The following DMRT2 variants were observed in gnomAD, a reference collection of about 807,000 sequenced individuals.
The protein encoded by DMRT2 is doublesex- and mab-3-related transcription factor 2.
A neutral mutation model predicts 43.5 loss-of-function variants in DMRT2; 33 were observed. That is an observed-to-expected ratio of 0.76 (90% confidence interval 0.58 to 1.01). The LOEUF is 1.01. Ranked by LOEUF, DMRT2 falls within the 50% of genes least tolerant of loss-of-function variation. DMRT2 has a pLI of 0.00. For synonymous variants in DMRT2, 395 were observed against 309.2 expected, an observed-to-expected ratio of 1.28 and a Z score of -2.91; for missense variants, 1,064 against 748.0, an observed-to-expected ratio of 1.42 and a Z score of -4.93.
rs771880057 is a variant in DMRT2, at chr9:1,056,221, C to G, written c.634C>G (p.Arg212Gly). 3 of 1,604,006 alleles carry G rather than the reference C, an allele frequency of 1.9e-6. No homozygotes were observed. Among genetic ancestry groups the G allele is most frequent in the Admixed American group, 1.7e-5 (1 of 57,412 alleles). The part of the protein sequence containing the change: ...LLAKSILEGY[R>G]PIPAETYVGG... ...GCAATCTTTGCTTCTTGTAGGCTAT[C>G]GCCCCATTCCAGCGGAGACTTATGT... is the stretch of plus-strand genomic sequence containing the variant. Residue 212 changes from arginine to glycine, a missense_variant, in exon 4 of 4, where the codon CGC becomes GGC. Arg to Gly is a moderately radical substitution (Grantham distance 125). Transcript: ENST00000358146.
At position 1,050,504 on chromosome 9, in the gene DMRT2, A is replaced by G. The variant is rs1444820234; in HGVS notation, c.-316A>G. The G allele has an allele frequency of 6.6e-6, 1 of 152,354 alleles. No homozygotes were observed. Among genetic ancestry groups the G allele is most frequent in the Non-Finnish European group, 1.5e-5 (1 of 68,104 alleles). The allele number at this position is 152,354 out of a possible 1,614,324, so 9.4% of individuals were successfully genotyped here. ...CAAGGTGAGGCGCCCGAGGCTGCAG[A>G]AGACCGAGCAGAACTTTGCAGAGTT... is the stretch of plus-strand genomic sequence containing the variant. On this transcript the variant is annotated 5_prime_UTR_variant, in exon 1 of 4. Transcript: ENST00000358146.
rs1271483498 is a variant in DMRT2 at position 1,056,258 on chromosome 9, T to A, written c.671T>A (p.Phe224Tyr). 6 of 1,614,010 alleles carry A rather than the reference T, an allele frequency of 3.7e-6. No homozygotes were observed. Among genetic ancestry groups the A allele is most frequent in the Non-Finnish European group, 5.1e-6 (6 of 1,179,972 alleles). The change falls in exon 4 of 4, where the codon TTC becomes TAC. Residue 224 changes from phenylalanine (F) to tyrosine (Y), a missense_variant. Phe to Tyr is a conservative substitution (Grantham distance 22). Coordinates refer to ENST00000358146, the MANE Select transcript of DMRT2 (RefSeq NM_181872.6). ...IPAETYVGGT[F>Y]PLPPPVSDRM... ...GCGGAGACTTATGTAGGAGGGACCTTCCCTCTACCTCCCCCAGTTAGTGAC... is the reference window on the plus strand; with the variant it reads ...GCGGAGACTTATGTAGGAGGGACCTACCCTCTACCTCCCCCAGTTAGTGAC...
rs1207247417 is a variant in DMRT2, at chr9:1,057,448, T to G, written c.*175T>G. The G allele has an allele frequency of 1.5e-6, 1 of 682,614 alleles. No homozygotes were observed. Among genetic ancestry groups the G allele is most frequent in the East Asian group, 2.8e-5 (1 of 35,830 alleles). The allele number at this position is 682,614 out of a possible 1,614,324, so 42.3% of individuals were successfully genotyped here. On this transcript the variant is annotated 3_prime_UTR_variant, in exon 4 of 4. Transcript: ENST00000358146. ...TGTACTTTTTCTTATCACATATATT[T>G]AAACTTACAGATGGAAATTGCCCAA... is the stretch of plus-strand genomic sequence containing the variant.
At chr9:1,052,522 G>A (rs1047065893) in intron 2 of DMRT2, among the ~76,000 whole-genome samples, 4 of 152,062 alleles carry the variant, frequency 2.6e-5, no homozygotes, top group Non-Finnish European at 5.9e-5. Context: ...CTCCAGGCTC[G>A]TCACTGCTGT....
chr9:1,056,608 TTTTTAG>T lies in DMRT2; in HGVS notation c.1025_1030del (p.Leu342_Val343del). ...TAGACAGTATCCCTTGTCCTCAAGA[TTTTTAG>T]TTTGGCCCAAGTGTGGCCCCATTAG... is the stretch of plus-strand genomic sequence containing the variant. On this transcript the variant is annotated inframe_deletion, in exon 4 of 4. Coordinates refer to ENST00000358146, the MANE Select transcript of DMRT2 (RefSeq NM_181872.6). The T allele has an allele frequency of 6.2e-7, 1 of 1,614,176 alleles. No individual in the cohort carries two copies. The highest frequency in any genetic ancestry group is 1.1e-5 in the South Asian group (1 of 91,078).
chr9:1,056,770 C>T lies in DMRT2; in HGVS notation c.1183C>T (p.Pro395Ser), dbSNP rs1428587897. 6.2e-7 allele frequency: 1 copy of T among 1,614,114 alleles called. No individual in the cohort carries two copies. Among genetic ancestry groups the T allele is most frequent in the African/African-American group, 1.3e-5 (1 of 75,040 alleles). Residue 395 changes from proline (P) to serine (S), a missense_variant, in exon 4 of 4, where the codon CCA (proline) becomes TCA (serine). Pro to Ser is a moderately conservative substitution (Grantham distance 74). Coordinates refer to ENST00000358146, the MANE Select transcript of DMRT2 (RefSeq NM_181872.6). ...DGLSAEQDMM[P>S]SKLEGSLVLP... ...ACTCAGTGCAGAGCAGGACATGATG[C>T]CATCGAAATTGGAAGGTTCCCTGGT...
Position 1,053,802 on chromosome 9 carries a change from G to C in DMRT2, c.606G>C (p.Leu202Phe), listed in dbSNP as rs747464257. ...AGAGGCAAGTCAGAGCCCCCAGTTT[G>C]CTGGCCAAAAGCATTTTAGAAGGTA... ...VYQRQVRAPS[L>F]LAKSILEGYR... Residue 202 changes from leucine (L) to phenylalanine (F), a missense_variant, in exon 3 of 4, where the codon TTG becomes TTC. Leu to Phe is a conservative substitution (Grantham distance 22). Coordinates refer to ENST00000358146, the MANE Select transcript of DMRT2 (RefSeq NM_181872.6). 6.2e-7 allele frequency: 1 copy of C among 1,614,096 alleles called. No homozygotes were observed. The highest frequency in any genetic ancestry group is 8.5e-7 in the Non-Finnish European group (1 of 1,179,998).
At position 1,056,912 on chromosome 9, in the gene DMRT2, C is replaced by T. The variant is rs749570805; in HGVS notation, c.1325C>T (p.Thr442Met). The change falls in exon 4 of 4, where the codon ACG becomes ATG. Residue 442 changes from threonine (T) to methionine (M), a missense_variant. Transcript: ENST00000358146. ...PRRNFSPIVD[T>M]DSLAAQGHVL... ...CGGAATTTCTCTCCCATTGTTGACA[C>T]GGACTCCCTGGCAGCTCAAGGGCAT... The T allele has an allele frequency of 2.0e-5, 33 of 1,614,066 alleles. No individual in the cohort carries two copies. Among genetic ancestry groups the T allele is most frequent in the South Asian group, 9.9e-5 (9 of 91,084 alleles).
At chr9:1,055,892 G>A (rs553542064) in intron 3 of DMRT2, 63 of 1,482,666 alleles carry the variant, frequency 4.2e-5, no homozygotes, top group African/African-American at 8.8e-5. Context: ...CTCTTAATGC[G>A]TAGGGGGCCT....
At chr9:1,055,789 A>G (rs567611497) in intron 3 of DMRT2, 6 of 1,512,716 alleles carry the variant, frequency 4.0e-6, no homozygotes, top group Admixed American at 2.3e-5. Flanking sequence ...TAAAAGTGAC[A>G]TCAGCTCTAG....
At chr9:1,054,175 T>C (rs1020848283) in intron 3 of DMRT2, among the ~76,000 whole-genome samples, 2 of 152,218 alleles carry the variant, frequency 1.3e-5, no homozygotes, top group Non-Finnish European at 2.9e-5. Flanking sequence ...ATGTGAAATT[T>C]ACCCCGTATG....
Position 1,057,099 on chromosome 9 carries a change from A to T in DMRT2, c.1512A>T (p.Arg504Ser), listed in dbSNP as rs779103375. 1 of 1,614,174 alleles carries T rather than the reference A, an allele frequency of 6.2e-7. No homozygotes were observed. Among genetic ancestry groups the T allele is most frequent in the Non-Finnish European group, 8.5e-7 (1 of 1,180,042 alleles). Residue 504 changes from arginine (R) to serine (S), a missense_variant, in exon 4 of 4, where the codon AGA becomes AGT. Physicochemically the swap from Arg to Ser is moderately radical, Grantham distance 110 (BLOSUM62 -1). Coordinates refer to ENST00000358146, the MANE Select transcript of DMRT2 (RefSeq NM_181872.6). ...EAFEETPKKH[R>S]ECLVKDNQKY... is the part of the protein sequence containing the mutation. Reference sequence around the variant, plus strand: ...TTGAAGAGACCCCTAAGAAACACAGAGAGTGTTTAGTTAAGGACAACCAGA... The same window carrying T: ...TTGAAGAGACCCCTAAGAAACACAGTGAGTGTTTAGTTAAGGACAACCAGA...
chr9:1,055,905 G>T, intron 3 of DMRT2: 1 of 1,439,356 alleles, frequency 6.9e-7, no homozygotes, highest in Admixed American at 2.9e-5. Context: ...GGGGGCCTGG[G>T]AAGAATATTA....
At position 1,053,914 on chromosome 9, in the gene DMRT2, G is replaced by A. The variant is rs1026995096; in HGVS notation, c.628+90G>A. On this transcript the variant is annotated intron_variant, in intron 3 of 3. Transcript: ENST00000358146. ...AAAGTGTGTTTATTAATCTGTGAAA[G>A]AGCTATCTAAAGGGAAAGTACTTTT... 5.7e-5 allele frequency: 64 copies of A among 1,126,470 alleles called. No individual in the cohort carries two copies. In the African/African-American group the frequency reaches 9.7e-4, roughly 17 times the overall value. 69.8% of individuals were successfully genotyped at this position (1,126,470 alleles called of 1,614,324 possible).
Position 1,051,954 on chromosome 9 carries a change from C to G in DMRT2, c.341C>G (p.Pro114Arg), listed in dbSNP as rs760450255. 7 of 1,389,552 alleles carry G rather than the reference C, an allele frequency of 5.0e-6. No individual in the cohort carries two copies. Among genetic ancestry groups the G allele is most frequent in the South Asian group, 3.3e-5 (2 of 61,186 alleles). The allele number at this position is 1,389,552 out of a possible 1,614,324, so 86.1% of individuals were successfully genotyped here. A position where few individuals can be genotyped will look rare whatever the true frequency, so the allele number is the denominator to read the frequency against. The change falls in exon 2 of 4, where the codon CCG becomes CGG. Residue 114 changes from proline to arginine, a missense_variant. Coordinates refer to ENST00000358146, the MANE Select transcript of DMRT2 (RefSeq NM_181872.6). This position sits in a 1 kb window ranked among gnomAD's most constrained non-coding sequence, Gnocchi z 5.9. The part of the protein sequence containing the change: ...RCTPAGGGAE[P>R]RKLSRTPKCA... ...ACTCCCGCGGGCGGCGGCGCGGAGC[C>G]GCGCAAGCTGAGCCGCACGCCCAAG... is the stretch of plus-strand genomic sequence containing the variant.
Position 1,052,157 on chromosome 9 carries a change from C to T in DMRT2, c.525+19C>T. On this transcript the variant is annotated intron_variant, in intron 2 of 3. Coordinates refer to ENST00000358146, the MANE Select transcript of DMRT2 (RefSeq NM_181872.6). ...CACCGAGGTGCGTACCCGCCCGGCCCGGGCGTCTCAGGCCACAGTGGAGGT... is the reference window on the plus strand; with the variant it reads ...CACCGAGGTGCGTACCCGCCCGGCCTGGGCGTCTCAGGCCACAGTGGAGGT... The T allele has an allele frequency of 5.1e-6, 7 of 1,361,066 alleles. No individual in the cohort carries two copies. Among genetic ancestry groups the T allele is most frequent in the Non-Finnish European group, 5.6e-6 (6 of 1,062,168 alleles). The allele number at this position is 1,361,066 out of a possible 1,614,324, so 84.3% of individuals were successfully genotyped here. A position where few individuals can be genotyped will look rare whatever the true frequency, so the allele number is the denominator to read the frequency against.
chr9:1,051,846 C>G lies in DMRT2; in HGVS notation c.233C>G (p.Pro78Arg). 7.0e-7 allele frequency: 1 copy of G among 1,421,836 alleles called. No homozygotes were observed. The highest frequency in any genetic ancestry group is 9.1e-7 in the Non-Finnish European group (1 of 1,096,892). 88.1% of individuals were successfully genotyped at this position (1,421,836 alleles called of 1,614,324 possible). ...AGASPGMPGQPEQRGGPQPRP... is the reference protein window; with the variant it reads ...AGASPGMPGQREQRGGPQPRP... ...GCGTCCCCCGGGATGCCCGGCCAGC[C>G]GGAGCAGCGGGGGGGACCGCAGCCG... is the stretch of plus-strand genomic sequence containing the variant. Residue 78 changes from proline to arginine, a missense_variant, in exon 2 of 4, where the codon CCG becomes CGG. By Grantham distance (103) the Pro-to-Arg change is moderately radical. Coordinates refer to ENST00000358146, the MANE Select transcript of DMRT2 (RefSeq NM_181872.6). This position sits in a 1 kb window ranked among gnomAD's most constrained non-coding sequence, Gnocchi z 5.9.
At chr9:1,053,446 C>A (rs1821752531) in intron 2 of DMRT2, among the ~76,000 whole-genome samples, 1 of 152,212 alleles carries the variant, frequency 6.6e-6, no homozygotes, top group South Asian at 2.1e-4. Context: ...CACTTCTGGC[C>A]ATAGGTCTGC....
At chr9:1,050,842 C>G (rs1821517537) in intron 1 of DMRT2, 67 bp downstream of exon 1, 1 of 152,356 alleles carries the variant, frequency 6.6e-6, no homozygotes. Flanking sequence ...TTCACCTTTT[C>G]TGTGTGACTT....
Sources: gnomAD v4.1 joint callset for allele counts (sites outside exome capture counted in the v4.1 genomes callset) on GRCh38, gnomAD v4.1.1 for gene constraint, Gnocchi (gnomAD v3.1) non-coding constraint, MANE v1.5 for transcripts, NCBI Gene and HGNC (gene_info 2026-07-23, HGNC 2026-07-21) for gene names.